MCM8: variants seen among roughly 807,000 people sequenced by gnomAD.
The protein encoded by MCM8 is DNA helicase MCM8.
MCM8 carries 85 observed loss-of-function variants against 98.9 expected under a neutral mutation model. That is an observed-to-expected ratio of 0.86 (90% CI 0.72 to 1.03). The LOEUF is 1.03. MCM8 is among the 50% of genes least tolerant of loss of function. The pLI is 0.00. For synonymous variants in MCM8, 352 were observed against 338.6 expected, an observed-to-expected ratio of 1.04 and a Z score of -0.44; for missense variants, 951 against 997.8, an observed-to-expected ratio of 0.95 and a Z score of 0.63.
In MCM8 at chr20:5,992,959, C is replaced by T. The variant is rs75355045; in HGVS notation, c.2241-547C>T. ...TTTAGCTAAAATTCACTATCAAGTA[C>T]GTACTTCTTTCCTTGGTGATATTGT... On this transcript the variant is annotated intron_variant, in intron 17 of 18. Coordinates refer to ENST00000610722, the MANE Select transcript of MCM8 (RefSeq NM_032485.6). 3.0e-3 allele frequency among the ~76,000 whole-genome samples: 456 copies of T among 152,220 alleles called. 7 individuals are homozygous for T. The highest frequency in any genetic ancestry group is 0.01 in the African/African-American group (435 of 41,536).
intron 16 of MCM8, 24 bp downstream of exon 16, chr20:5,986,155 CT>C (rs769185372): frequency 6.2e-7 from 1 of 1,608,940 alleles, no homozygotes; most frequent in Non-Finnish European, 8.5e-7. Flanking sequence ...TATGGTCATG[CT>C]TTTTTTGGCT....
At position 5,983,029 on chromosome 20, in the gene MCM8, G is replaced by T. The variant is rs371866738; in HGVS notation, c.1597G>T (p.Ala533Ser). 5 of 1,613,892 alleles carry T rather than the reference G, an allele frequency of 3.1e-6. No individual in the cohort carries two copies. The highest frequency in any genetic ancestry group is 3.4e-6 in the Non-Finnish European group (4 of 1,179,974). Residue 533 changes from alanine (A) to serine (S), a missense_variant, in exon 14 of 19, where the codon GCC (alanine) becomes TCC (serine). Coordinates refer to ENST00000610722, the MANE Select transcript of MCM8 (RefSeq NM_032485.6). ...MGNQHQALLE[A>S]MEQQSISLAK... ...GAATCAACATCAAGCCTTGTTGGAA[G>T]CCATGGAGCAGCAAAGTATTAGTCT...
chr20:5,967,601 C>T lies in MCM8; in HGVS notation c.1027+14C>T. 1 of 1,594,576 alleles carries T rather than the reference C, an allele frequency of 6.3e-7. No individual in the cohort carries two copies. On this transcript the variant is annotated intron_variant, in intron 9 of 18. Coordinates refer to ENST00000610722, the MANE Select transcript of MCM8 (RefSeq NM_032485.6). ...ATGCGGAAGAAGGTAGGGTACAACT[C>T]TTTTCATTATTTGTCTCTCAATAAT...
intron 12 of MCM8, among the ~76,000 whole-genome samples, chr20:5,973,648 C>A (rs529023555): frequency 6.6e-6 from 1 of 152,172 alleles, no homozygotes; most frequent in Admixed American, 6.5e-5. Flanking sequence ...GCTTGTGAGT[C>A]CAAATCAAGG....
chr20:5,952,468 A>C lies in MCM8; in HGVS notation c.193A>C (p.Met65Leu), dbSNP rs370378788. Reference sequence around the variant, plus strand: ...GCTTTCAACAAAGACCCCACAGTCAATGCAGTCAACATTGGATCGATTCAT... The same window carrying C: ...GCTTTCAACAAAGACCCCACAGTCACTGCAGTCAACATTGGATCGATTCAT... ...FLLSTKTPQS[M>L]QSTLDRFIPY... is the part of the protein sequence containing the mutation. Residue 65 changes from methionine to leucine, a missense_variant, in exon 3 of 19, where the codon ATG (methionine) becomes CTG (leucine). Met to Leu is a conservative substitution (Grantham distance 15). Coordinates refer to ENST00000610722, the MANE Select transcript of MCM8 (RefSeq NM_032485.6). 6.8e-6 allele frequency: 11 copies of C among 1,614,024 alleles called. No homozygotes were observed. Among genetic ancestry groups the C allele is most frequent in the Non-Finnish European group, 9.3e-6 (11 of 1,180,014 alleles).
chr20:5,972,114 TAGC>T, intron 11 of MCM8, 77 bp downstream of exon 11: 3 of 1,165,598 alleles, frequency 2.6e-6, no homozygotes, highest in Non-Finnish European at 2.5e-6. Context: ...TTACAGAAAG[TAGC>T]AAATTTCTAT....
At chr20:5,961,456 G>A (rs1213547289) in intron 7 of MCM8, among the ~76,000 whole-genome samples, 1 of 152,166 alleles carries the variant, frequency 6.6e-6, no homozygotes, top group Non-Finnish European at 1.5e-5. Context: ...AGATGTTTAT[G>A]TTTGAAATTC....
At chr20:5,991,391 C>T (rs1006262252) in intron 17 of MCM8, 2 of 152,152 alleles carry the variant, frequency 1.3e-5, no homozygotes, top group Non-Finnish European at 2.9e-5. Flanking sequence ...TCTCATGGAA[C>T]TCTGTATTTG....
At position 5,963,277 on chromosome 20, in the gene MCM8, C is replaced by T; in HGVS notation, c.793C>T (p.Pro265Ser). ...DGKYSLPTKC[P>S]VPVCRGRSFT... The stretch of plus-strand genomic sequence containing the variant: ...GAATTACTTTTGTTTCATTCAGTGT[C>T]CTGTGCCTGTGTGTCGAGGCAGGTC... Residue 265 changes from proline to serine, a missense_variant, in exon 8 of 19, where the codon CCT becomes TCT. Pro to Ser is a moderately conservative substitution (Grantham distance 74). Transcript: ENST00000610722. 2 of 1,612,494 alleles carry T rather than the reference C, an allele frequency of 1.2e-6. No individual in the cohort carries two copies. Among genetic ancestry groups the T allele is most frequent in the Non-Finnish European group, 1.7e-6 (2 of 1,178,594 alleles).
At chr20:5,993,175 A>T (rs2089887467) in intron 17 of MCM8, among the ~76,000 whole-genome samples, 1 of 152,130 alleles carries the variant, frequency 6.6e-6, no homozygotes, top group Non-Finnish European at 1.5e-5. Flanking sequence ...GTGAAGTCTA[A>T]ATTTATTATA....
At chr20:5,964,601 C>G (rs2089234659) in intron 8 of MCM8, 1 of 152,128 alleles carries the variant, frequency 6.6e-6, no homozygotes, top group Admixed American at 6.5e-5. Flanking sequence ...GATCAAACTT[C>G]TTGTTCTACT....
At chr20:5,971,216 T>TG (rs1418979943) in intron 10 of MCM8, among the ~76,000 whole-genome samples, 4 of 152,250 alleles carry the variant, frequency 2.6e-5, no homozygotes, top group African/African-American at 9.6e-5. Flanking sequence ...CAAAGGGAAG[T>TG]GGGGGTCAGA....
chr20:5,953,090 G>A (rs541894694), intron 3 of MCM8, among the ~76,000 whole-genome samples: 5 of 152,314 alleles, frequency 3.3e-5, no homozygotes, highest in South Asian at 4.1e-4. Flanking sequence ...TAGCACTATC[G>A]TTATCTTCTG....
chr20:5,954,504 T>C lies in MCM8; in HGVS notation c.254-104T>C, dbSNP rs1265178367. On this transcript the variant is annotated intron_variant, in intron 3 of 18. Coordinates refer to ENST00000610722, the MANE Select transcript of MCM8 (RefSeq NM_032485.6). ...GAATGTAATCAAAATACAAAGCAAT[T>C]AGAAAAAAATCATCTACCATGTATA... is the stretch of plus-strand genomic sequence containing the variant. The C allele has an allele frequency of 5.6e-6, 3 of 538,750 alleles. No homozygotes were observed. The African/African-American group carries it at 5.7e-5, about 10-fold the overall frequency. 33.4% of individuals were successfully genotyped at this position (538,750 alleles called of 1,614,324 possible). A position where few individuals can be genotyped will look rare whatever the true frequency, so the allele number is the denominator to read the frequency against.
chr20:5,973,661 A>ACC, intron 12 of MCM8, among the ~76,000 whole-genome samples: 1 of 151,610 alleles, frequency 6.6e-6, no homozygotes, highest in Admixed American at 6.6e-5. Flanking sequence ...AATCAAGGCA[A>ACC]CCTTTTTTTT....
Position 5,967,620 on chromosome 20 carries a change from C to G in MCM8, c.1027+33C>G. The G allele has an allele frequency of 1.3e-6, 2 of 1,574,732 alleles. No homozygotes were observed. Among genetic ancestry groups the G allele is most frequent in the African/African-American group, 2.7e-5 (2 of 73,846 alleles). On this transcript the variant is annotated intron_variant, in intron 9 of 18. Coordinates refer to ENST00000610722, the MANE Select transcript of MCM8 (RefSeq NM_032485.6). The stretch of plus-strand genomic sequence containing the variant: ...ACAACTCTTTTCATTATTTGTCTCT[C>G]AATAATGATTCATCAACGTTCATCT...
intron 12 of MCM8, among the ~76,000 whole-genome samples, chr20:5,976,032 C>T (rs1199095955): frequency 1.3e-5 from 2 of 151,992 alleles, no homozygotes; most frequent in African/African-American, 2.4e-5. Context: ...ACGAGACTAA[C>T]AGGCTGGGTG....
intron 17 of MCM8, among the ~76,000 whole-genome samples, chr20:5,991,894 C>T (rs1054494336): frequency 2.0e-5 from 3 of 152,164 alleles, no homozygotes; most frequent in African/African-American, 7.2e-5. Context: ...TTCGTTCAGT[C>T]TTTGCCCTTA....
chr20:5,990,815 T>C lies in MCM8; in HGVS notation c.2241-2691T>C, dbSNP rs2089836194. ...CCAAAAATAGGCACTTCTTATTTAA[T>C]GATGAGAAGTTGCTTGTTGACTTAC... On this transcript the variant is annotated intron_variant, in intron 17 of 18. Coordinates refer to ENST00000610722, the MANE Select transcript of MCM8 (RefSeq NM_032485.6). 2.0e-5 allele frequency: 3 copies of C among 152,346 alleles called. No individual in the cohort carries two copies. The South Asian group carries it at 6.2e-4, about 32-fold the overall frequency. The allele number at this position is 152,346 out of a possible 1,614,324, so 9.4% of individuals were successfully genotyped here.
Sources: allele counts gnomAD v4.1 joint callset (sites outside exome capture counted in the v4.1 genomes callset), GRCh38; gene constraint gnomAD v4.1.1; transcripts MANE v1.5; gene names NCBI Gene and HGNC (gene_info 2026-07-23, HGNC 2026-07-21).